The following TSC1 variants were observed in gnomAD, a reference collection of about 807,000 sequenced individuals.
TSC1 encodes hamartin.
A neutral mutation model predicts 124.3 loss-of-function variants in TSC1; 20 were observed. The observed-to-expected ratio is 0.16, with a 90% CI of 0.11 to 0.23. TSC1 has a LOEUF of 0.23. TSC1 is among the 10% of genes least tolerant of loss of function. The pLI is 1.00. For missense variants in TSC1, 1,124 were observed against 1,448.5 expected, an observed-to-expected ratio of 0.78 and a Z score of 3.64; for synonymous variants, 493 against 539.1, an observed-to-expected ratio of 0.91 and a Z score of 1.19.
chr9:132,926,137 G>A (rs2132248478), intron 4 of TSC1: 2 of 261,006 alleles, frequency 7.7e-6, no homozygotes, highest in South Asian at 9.0e-5. Context: ...CAATTAGGTA[G>A]TAGAAGTTAC....
In TSC1 at chr9:132,906,755, T is replaced by G; in HGVS notation, c.1414A>C (p.Ser472Arg). The G allele has an allele frequency of 6.2e-7, 1 of 1,614,082 alleles. No individual in the cohort carries two copies. The highest frequency in any genetic ancestry group is 8.5e-7 in the Non-Finnish European group (1 of 1,179,980). Reference sequence around the variant, plus strand: ...CCTTCTTCTTTATCTTTTTCAATACTATCTTCTTCAGAGGCCAGATCACCT... The same window carrying G: ...CCTTCTTCTTTATCTTTTTCAATACGATCTTCTTCAGAGGCCAGATCACCT... ...FLGDLASEED[S>R]IEKDKEEAAI... The change falls in exon 14 of 23, where the codon AGT (serine) becomes CGT (arginine). Residue 472 changes from serine to arginine, a missense_variant. Transcript: ENST00000298552. The surrounding 1 kb of genome is among the most constrained non-coding windows in gnomAD (Gnocchi z 4.1).
At chr9:132,927,501 T>C (rs1010291224) in intron 3 of TSC1, among the ~76,000 whole-genome samples, 197 bp from the exon 4 acceptor site, 1 of 151,094 alleles carries the variant, frequency 6.6e-6, no homozygotes, top group Non-Finnish European at 1.5e-5. Flanking sequence ...CATAAAAACA[T>C]ATGAAGTCAT....
intron 19 of TSC1, 22 bp downstream of exon 19, chr9:132,901,567 G>C (rs1185639394): frequency 6.3e-7 from 1 of 1,591,642 alleles, no homozygotes; most frequent in Non-Finnish European, 8.6e-7. Flanking sequence ...AGCAGATTCA[G>C]GTCTGCCTCA....
At chr9:132,934,234 C>T (rs1283301697) in intron 2 of TSC1, among the ~76,000 whole-genome samples, 1 of 152,220 alleles carries the variant, frequency 6.6e-6, no homozygotes, top group African/African-American at 2.4e-5. Flanking sequence ...CTATACACAG[C>T]TCTGTTGCGC....
intron 12 of TSC1, among the ~76,000 whole-genome samples, chr9:132,908,096 A>AAAT (rs557685539): frequency 6.6e-6 from 1 of 152,056 alleles, no homozygotes; most frequent in Non-Finnish European, 1.5e-5. Context: ...CACACACACA[A>AAAT]AATAATAATA....
chr9:132,902,457 G>T lies in TSC1; in HGVS notation c.2391+148C>A. The stretch of plus-strand genomic sequence containing the variant: ...GTCCTAAGTAAGATTCACCTGCCAT[G>T]AAGAATTTCTGCCATGATTTCAGAG... On this transcript the variant is annotated intron_variant, in intron 18 of 22. Transcript: ENST00000298552. The surrounding 1 kb of genome is among the most constrained non-coding windows in gnomAD (Gnocchi z 5.2). 2 of 1,067,984 alleles carry T rather than the reference G, an allele frequency of 1.9e-6. No homozygotes were observed. The highest frequency in any genetic ancestry group is 2.8e-6 in the Non-Finnish European group (2 of 710,886). The allele number at this position is 1,067,984 out of a possible 1,614,324, so 66.2% of individuals were successfully genotyped here. A position where few individuals can be genotyped will look rare whatever the true frequency, so the allele number is the denominator to read the frequency against.
At chr9:132,926,532 T>G (rs1405683326) in intron 4 of TSC1, 1 of 154,446 alleles carries the variant, frequency 6.5e-6, no homozygotes, top group Non-Finnish European at 1.4e-5. Context: ...ACTCATTAAT[T>G]TGTCATGTTA....
At chr9:132,944,493 T>A in intron 1 of TSC1, 50 bp downstream of exon 1, 1 of 398,192 alleles carries the variant, frequency 2.5e-6, no homozygotes, top group Non-Finnish European at 4.4e-6. Context: ...GTGCCGGGGC[T>A]GCCCCAGGAA....
In TSC1 at chr9:132,892,919, C is replaced by G. The variant is rs1039642175; in HGVS notation, c.*3316G>C. 13 of 233,240 alleles carry G rather than the reference C, an allele frequency of 5.6e-5. No homozygotes were observed. The highest frequency in any genetic ancestry group is 1.8e-4 in the South Asian group (1 of 5,522). 14.4% of individuals were successfully genotyped at this position (233,240 alleles called of 1,614,324 possible). On this transcript the variant is annotated 3_prime_UTR_variant, in exon 23 of 23. Coordinates refer to ENST00000298552, the MANE Select transcript of TSC1 (RefSeq NM_000368.5). Reference sequence around the variant, plus strand: ...GTTTTATCTTTCCCAACAAATATACCAGAAACTATGTGTGCTGTTGCAAAT... The same window carrying G: ...GTTTTATCTTTCCCAACAAATATACGAGAAACTATGTGTGCTGTTGCAAAT...
chr9:132,936,975 T>C (rs1847484235), intron 1 of TSC1, among the ~76,000 whole-genome samples: 1 of 152,242 alleles, frequency 6.6e-6, no homozygotes. Context: ...GTAATTATAT[T>C]TCCACGTGGA....
Position 132,903,631 on chromosome 9 carries a change from GTCCCC to G in TSC1, c.2208+15_2208+19del. The stretch of plus-strand genomic sequence containing the variant: ...ACAAAACAAAAAGCAAGCTCCACCT[GTCCCC>G]TCCCCAGTCCTCACCATGGCAGCAT... On this transcript the variant is annotated intron_variant, in intron 17 of 22. Coordinates refer to ENST00000298552, the MANE Select transcript of TSC1 (RefSeq NM_000368.5). This position sits in a 1 kb window ranked among gnomAD's most constrained non-coding sequence, Gnocchi z 5.9. The G allele has an allele frequency of 6.2e-7, 1 of 1,611,922 alleles. No individual in the cohort carries two copies. The highest frequency in any genetic ancestry group is 8.5e-7 in the Non-Finnish European group (1 of 1,179,774).
At chr9:132,939,911 G>C (rs1347792983) in intron 1 of TSC1, among the ~76,000 whole-genome samples, 1 of 152,124 alleles carries the variant, frequency 6.6e-6, no homozygotes, top group South Asian at 2.1e-4. Context: ...CTTTGGGGGT[G>C]GGGCCTTCTA....
chr9:132,922,072 T>A, intron 6 of TSC1, 99 bp from the exon 7 acceptor site: 2 of 1,415,268 alleles, frequency 1.4e-6, no homozygotes, highest in South Asian at 1.2e-5. Flanking sequence ...ACTTTTTATC[T>A]ATGTATATTC....
In TSC1 at chr9:132,891,428, G is replaced by A. The variant is rs1844767097; in HGVS notation, c.*4807C>T. The stretch of plus-strand genomic sequence containing the variant: ...TGACATTTTAGAACATTCTAAGAAG[G>A]ACAGCAAACTCTTTTGATTCCAATT... On this transcript the variant is annotated 3_prime_UTR_variant, in exon 23 of 23. Transcript: ENST00000298552. 8.6e-6 allele frequency: 2 copies of A among 233,354 alleles called. No individual in the cohort carries two copies. Among genetic ancestry groups the A allele is most frequent in the South Asian group, 3.6e-4 (2 of 5,534 alleles). 14.5% of individuals were successfully genotyped at this position (233,354 alleles called of 1,614,324 possible).
intron 10 of TSC1, 66 bp downstream of exon 10, chr9:132,911,387 C>T (rs3886265): frequency 7.8e-7 from 1 of 1,288,230 alleles, no homozygotes; most frequent in Non-Finnish European, 1.1e-6. Context: ...CATACTAAAT[C>T]TGACCCAAAG....
In TSC1 at chr9:132,891,545, A is replaced by T. The variant is rs574215824; in HGVS notation, c.*4690T>A. The T allele has an allele frequency of 8.6e-6, 2 of 233,430 alleles. No homozygotes were observed. The highest frequency in any genetic ancestry group is 4.4e-5 in the African/African-American group (2 of 45,420). 14.5% of individuals were successfully genotyped at this position (233,430 alleles called of 1,614,324 possible). A position where few individuals can be genotyped will look rare whatever the true frequency, so the allele number is the denominator to read the frequency against. On this transcript the variant is annotated 3_prime_UTR_variant, in exon 23 of 23. Coordinates refer to ENST00000298552, the MANE Select transcript of TSC1 (RefSeq NM_000368.5). ...GACATGCTTTTAGGATTGAGGCGGG[A>T]AAGTTTAGACCTTTTGACAAGAGCT...
chr9:132,914,360 T>C (rs1182849478), intron 8 of TSC1, among the ~76,000 whole-genome samples: 3 of 152,128 alleles, frequency 2.0e-5, no homozygotes, highest in Non-Finnish European at 4.4e-5. Flanking sequence ...CAAAGGGATA[T>C]ATTTTATAGA....
At chr9:132,943,398 C>T (rs1029566649) in intron 1 of TSC1, 4 of 152,176 alleles carry the variant, frequency 2.6e-5, no homozygotes, top group African/African-American at 9.7e-5. Flanking sequence ...CCAAGTGCAT[C>T]CCCCCACTTC....
Position 132,902,193 on chromosome 9 carries a change from C to G in TSC1, c.2391+412G>C, listed in dbSNP as rs1242212172. Among the ~76,000 whole-genome samples the G allele has an allele frequency of 6.6e-6, 1 of 152,156 alleles. No homozygotes were observed. The highest frequency in any genetic ancestry group is 1.5e-5 in the Non-Finnish European group (1 of 68,028). ...CACTCTGATTTCAAGGTCTGAGATA[C>G]CATGCAGTGCCCAATAGGTGCACAC... On this transcript the variant is annotated intron_variant, in intron 18 of 22. Coordinates refer to ENST00000298552, the MANE Select transcript of TSC1 (RefSeq NM_000368.5). The surrounding 1 kb of genome is among the most constrained non-coding windows in gnomAD (Gnocchi z 5.2).
Sources: allele counts gnomAD v4.1 joint callset (sites outside exome capture counted in the v4.1 genomes callset), GRCh38; gene constraint gnomAD v4.1.1; non-coding constraint Gnocchi (gnomAD v3.1); transcripts MANE v1.5; gene names NCBI Gene and HGNC (gene_info 2026-07-23, HGNC 2026-07-21).